Variants in THEM4 observed in about 807,000 individuals in gnomAD.
THEM4 encodes acyl-coenzyme A thioesterase THEM4.
THEM4 carries 22 observed loss-of-function variants against 25.0 expected under a neutral mutation model. That is an observed-to-expected ratio of 0.88 (90% CI 0.63 to 1.26). The LOEUF (loss-of-function observed/expected upper bound fraction) is 1.26, where lower values mean the gene tolerates loss of function less well. Among genes scored for constraint, THEM4 ranks in the 50% most tolerant of loss-of-function variants. THEM4 has a pLI of 0.00. For missense variants in THEM4, 286 were observed against 300.3 expected (o/e 0.95, Z 0.35); for synonymous variants, 113 against 105.6 (o/e 1.07, Z -0.43).
chr1:151,882,643 G>C (rs1459403695), intron 4 of THEM4, among the ~76,000 whole-genome samples: 1 of 152,118 alleles, frequency 6.6e-6, no homozygotes, highest in African/African-American at 2.4e-5. Flanking sequence ...ACTTAGTTGA[G>C]GTGGGCATGT....
chr1:151,892,990 C>T (rs1654125698), intron 2 of THEM4, among the ~76,000 whole-genome samples: 1 of 152,108 alleles, frequency 6.6e-6, no homozygotes, highest in South Asian at 2.1e-4. Flanking sequence ...AGAAAGGAGT[C>T]AACAGCTGTG....
chr1:151,876,910 A>T lies in THEM4; in HGVS notation c.682+91T>A. The T allele has an allele frequency of 2.7e-6, 4 of 1,493,702 alleles. No homozygotes were observed. The South Asian group carries it at 5.6e-5, about 21-fold the overall frequency. The allele number at this position is 1,493,702 out of a possible 1,614,324, so 92.5% of individuals were successfully genotyped here. ...AAACCAAAACACCCCCCTGACCCCC[A>T]CAAAACCCAAATCAACCAACCAACC... On this transcript the variant is annotated intron_variant, in intron 5 of 5. Transcript: ENST00000368814.
chr1:151,874,574 C>T lies in THEM4; in HGVS notation c.*314G>A, dbSNP rs1653629864. 1.2e-5 allele frequency: 4 copies of T among 326,640 alleles called. No homozygotes were observed. The highest frequency in any genetic ancestry group is 2.2e-5 in the Non-Finnish European group (4 of 178,452). The allele number at this position is 326,640 out of a possible 1,614,324, so 20.2% of individuals were successfully genotyped here. On this transcript the variant is annotated 3_prime_UTR_variant, in exon 6 of 6. Coordinates refer to ENST00000368814, the MANE Select transcript of THEM4 (RefSeq NM_053055.5). ...TATTTTAGTAGAGACGGAGTTTCAT[C>T]GTGTTGCCCAGACTGATCTTGAACT...
chr1:151,896,952 G>A (rs1654238748), intron 1 of THEM4, among the ~76,000 whole-genome samples: 1 of 152,170 alleles, frequency 6.6e-6, no homozygotes, highest in South Asian at 2.1e-4. Context: ...GAGCTCAGGG[G>A]ACAAGTTTTT....
chr1:151,876,877 A>G (rs1483623875), intron 5 of THEM4, 124 bp downstream of exon 5: 1 of 1,230,996 alleles, frequency 8.1e-7, no homozygotes, highest in Non-Finnish European at 1.1e-6. Context: ...AGGGCAAAAA[A>G]CCAAACCAAA....
chr1:151,894,070 C>T (rs1654158367), intron 2 of THEM4, among the ~76,000 whole-genome samples: 2 of 152,092 alleles, frequency 1.3e-5, no homozygotes, highest in Non-Finnish European at 2.9e-5. Context: ...ACCATGTTGG[C>T]CAGGCTGGTC....
At chr1:151,887,854 C>G (rs1456895570) in intron 4 of THEM4, among the ~76,000 whole-genome samples, 2 of 152,102 alleles carry the variant, frequency 1.3e-5, no homozygotes. Context: ...CCCTTGGATC[C>G]TTTCTTCACT....
intron 2 of THEM4, among the ~76,000 whole-genome samples, chr1:151,893,728 G>GAA: frequency 6.6e-6 from 1 of 152,266 alleles, no homozygotes; most frequent in African/African-American, 2.4e-5. Context: ...CTGAGGGTGA[G>GAA]AAGGGAAAGT....
chr1:151,905,352 G>A (rs1654434328), intron 1 of THEM4, among the ~76,000 whole-genome samples: 1 of 152,016 alleles, frequency 6.6e-6, no homozygotes, highest in South Asian at 2.1e-4. Context: ...GTGTCCACAA[G>A]ACTGATCTTT....
At chr1:151,908,376 G>C (rs966308908) in intron 1 of THEM4, among the ~76,000 whole-genome samples, 2 of 152,306 alleles carry the variant, frequency 1.3e-5, no homozygotes, top group African/African-American at 4.8e-5. Flanking sequence ...TAACCCCATT[G>C]CATAGCTTCG....
rs1654556932 is a variant in THEM4, at chr1:151,909,504, A to G, written c.-46T>C. 2 of 1,319,580 alleles carry G rather than the reference A, an allele frequency of 1.5e-6. No individual in the cohort carries two copies. Among genetic ancestry groups the G allele is most frequent in the African/African-American group, 1.6e-5 (1 of 64,284 alleles). 81.7% of individuals were successfully genotyped at this position (1,319,580 alleles called of 1,614,324 possible). ...CGCTTGCTCTAGCCCTGGACGGCGC[A>G]CTCTACCTCCGCCACAAGAGCGCGC... is the stretch of plus-strand genomic sequence containing the variant. On this transcript the variant is annotated 5_prime_UTR_variant, in exon 1 of 6. Coordinates refer to ENST00000368814, the MANE Select transcript of THEM4 (RefSeq NM_053055.5).
chr1:151,874,102 T>A lies in THEM4; in HGVS notation c.*786A>T, dbSNP rs1653615107. The stretch of plus-strand genomic sequence containing the variant: ...ATCTCTAGAATCTCAGACAACAGAT[T>A]TGAGGTATTCATTCCTATAGGATCT... On this transcript the variant is annotated 3_prime_UTR_variant, in exon 6 of 6. Transcript: ENST00000368814. 6.6e-6 allele frequency: 1 copy of A among 152,168 alleles called. No individual in the cohort carries two copies. The highest frequency in any genetic ancestry group is 2.4e-5 in the African/African-American group (1 of 41,422). The allele number at this position is 152,168 out of a possible 1,614,324, so 9.4% of individuals were successfully genotyped here. A position where few individuals can be genotyped will look rare whatever the true frequency, so the allele number is the denominator to read the frequency against.
chr1:151,902,417 T>G (rs1283035149), intron 1 of THEM4, among the ~76,000 whole-genome samples: 5 of 152,094 alleles, frequency 3.3e-5, no homozygotes, highest in Non-Finnish European at 5.9e-5. Flanking sequence ...AAACATTGTA[T>G]GTTCTCAATT....
intron 4 of THEM4, among the ~76,000 whole-genome samples, chr1:151,881,473 C>T (rs971576768): frequency 6.6e-6 from 1 of 152,164 alleles, no homozygotes; most frequent in East Asian, 1.9e-4. Context: ...TTCTAAAGTC[C>T]ACCATTTAGG....
At chr1:151,875,736 T>C (rs1315281093) in intron 5 of THEM4, among the ~76,000 whole-genome samples, 1 of 152,026 alleles carries the variant, frequency 6.6e-6, no homozygotes, top group Non-Finnish European at 1.5e-5. Context: ...TTATAGTCAT[T>C]TGACTGGCAA....
At chr1:151,879,429 C>T (rs1653759967) in intron 4 of THEM4, among the ~76,000 whole-genome samples, 1 of 149,704 alleles carries the variant, frequency 6.7e-6, no homozygotes, top group Non-Finnish European at 1.5e-5. Context: ...TTTTTTTTAA[C>T]CTCAAATTCA....
In THEM4 at chr1:151,895,184, G is replaced by A. The variant is rs758509578; in HGVS notation, c.110C>T (p.Ser37Phe). 11 of 1,609,232 alleles carry A rather than the reference G, an allele frequency of 6.8e-6. No homozygotes were observed. Among genetic ancestry groups the A allele is most frequent in the Non-Finnish European group, 8.5e-7 (1 of 1,178,896 alleles). ...SEPRPELRSFSSEEVILKDCS... is the reference protein window; with the variant it reads ...SEPRPELRSFFSEEVILKDCS... ...GTCCTTAAGAATGACTTCCTCAGAA[G>A]AAAATGACCTCTAAAAGACAGAAGA... The change falls in exon 2 of 6, where the codon TCT becomes TTT. Residue 37 changes from serine to phenylalanine, a missense_variant. Transcript: ENST00000368814.
chr1:151,892,403 T>C (rs1025986269), intron 2 of THEM4, among the ~76,000 whole-genome samples: 15 of 152,180 alleles, frequency 9.9e-5, no homozygotes, highest in Admixed American at 2.0e-4. Context: ...GTGGCTTCAA[T>C]GAAGACATTT....
intron 5 of THEM4, among the ~76,000 whole-genome samples, chr1:151,876,457 T>TC (rs971889163): frequency 6.6e-6 from 1 of 151,260 alleles, no homozygotes; most frequent in African/African-American, 2.4e-5. Flanking sequence ...AAATTTTTTT[T>TC]TTTTTTTTGA....
Sources: gnomAD v4.1 joint callset for allele counts (sites outside exome capture counted in the v4.1 genomes callset) on GRCh38, gnomAD v4.1.1 for gene constraint, MANE v1.5 for transcripts, NCBI Gene and HGNC (gene_info 2026-07-23, HGNC 2026-07-21) for gene names.